The following PWWP3A variants were observed in gnomAD, a reference collection of about 807,000 sequenced individuals.
PWWP3A encodes the protein PWWP domain-containing DNA repair factor 3A.
A neutral mutation model predicts 79.0 loss-of-function variants in PWWP3A; 53 were observed. The observed-to-expected ratio is 0.67, with a 90% CI of 0.54 to 0.84. PWWP3A has a LOEUF of 0.84. PWWP3A is among the 40% of genes least tolerant of loss of function. The pLI is 0.00. For synonymous variants in PWWP3A, 443 were observed against 394.4 expected, an observed-to-expected ratio of 1.12 and a Z score of -1.46; for missense variants, 973 against 948.0, an observed-to-expected ratio of 1.03 and a Z score of -0.35.
chr19:1,376,031 G>C (rs1036684486), intron 13 of PWWP3A, among the ~76,000 whole-genome samples: 2 of 150,166 alleles, frequency 1.3e-5, no homozygotes, highest in Admixed American at 6.6e-5. Flanking sequence ...GGCTGGTCTT[G>C]AACTCCTGAT....
At chr19:1,356,607 C>G (rs773272966) in intron 2 of PWWP3A, among the ~76,000 whole-genome samples, 158 bp downstream of exon 2, 21 of 149,988 alleles carry the variant, frequency 1.4e-4, no homozygotes, top group Admixed American at 1.3e-3. Flanking sequence ...GGGTTTTGGT[C>G]TAGTGCTTCC....
chr19:1,365,822 T>C (rs937794825), intron 7 of PWWP3A, among the ~76,000 whole-genome samples: 3 of 152,380 alleles, frequency 2.0e-5, no homozygotes, highest in East Asian at 3.9e-4. Context: ...GAGGCGCTGG[T>C]CGCCACTGCT....
At chr19:1,364,832 T>G (rs923636693) in intron 7 of PWWP3A, among the ~76,000 whole-genome samples, 1 of 152,118 alleles carries the variant, frequency 6.6e-6, no homozygotes, top group African/African-American at 2.4e-5. Context: ...GAAAAAAATA[T>G]TTGCGGCCGG....
chr19:1,358,363 G>A lies in PWWP3A; in HGVS notation c.144-31G>A, dbSNP rs775693105. 1.1e-5 allele frequency: 18 copies of A among 1,588,086 alleles called. No homozygotes were observed. The East Asian group carries it at 4.0e-4, about 36-fold the overall frequency. On this transcript the variant is annotated intron_variant, in intron 3 of 13. Transcript: ENST00000591337. ...GAAAATGTCTTGGCGGCGTTGGCTGGTGGTGTGTAACGTCGATTTTGTCTC... is the reference window on the plus strand; with the variant it reads ...GAAAATGTCTTGGCGGCGTTGGCTGATGGTGTGTAACGTCGATTTTGTCTC...
chr19:1,373,324 G>A lies in PWWP3A; in HGVS notation c.2075+164G>A, dbSNP rs181184279. On this transcript the variant is annotated intron_variant, in intron 13 of 13. Transcript: ENST00000591337. Reference sequence around the variant, plus strand: ...TGATCACATACGCTGAACTCACCCTGTGGGTCACTCCTGCCCCCCAGGAAG... The same window carrying A: ...TGATCACATACGCTGAACTCACCCTATGGGTCACTCCTGCCCCCCAGGAAG... The A allele has an allele frequency of 3.0e-5, 19 of 639,936 alleles. No homozygotes were observed. In the African/African-American group the frequency reaches 3.1e-4, roughly 10 times the overall value. 39.6% of individuals were successfully genotyped at this position (639,936 alleles called of 1,614,324 possible).
At chr19:1,371,433 C>A in intron 12 of PWWP3A, 1 of 701,846 alleles carries the variant, frequency 1.4e-6, no homozygotes, top group South Asian at 1.5e-5. Flanking sequence ...ATTCCCAAGT[C>A]AGAATCGCAT....
chr19:1,376,718 T>C lies in PWWP3A; in HGVS notation c.*142T>C. 1.5e-6 allele frequency: 1 copy of C among 662,548 alleles called. No individual in the cohort carries two copies. The highest frequency in any genetic ancestry group is 2.6e-6 in the Non-Finnish European group (1 of 383,902). 41.0% of individuals were successfully genotyped at this position (662,548 alleles called of 1,614,324 possible). ...CGTTCTCCTGCGTGGCAGTCCTGAT[T>C]TCCATGCTTCTGGAGAATCCATTTC... On this transcript the variant is annotated 3_prime_UTR_variant, in exon 14 of 14. Coordinates refer to ENST00000591337, the MANE Select transcript of PWWP3A (RefSeq NM_001369789.1).
intron 13 of PWWP3A, chr19:1,373,582 C>T (rs533814370): frequency 5.6e-6 from 1 of 179,500 alleles, no homozygotes; most frequent in African/African-American, 2.4e-5. Flanking sequence ...ATGTTTCTCT[C>T]ACATCCGTGT....
rs551355330 is a variant in PWWP3A at position 1,376,660 on chromosome 19, C to T, written c.*84C>T. On this transcript the variant is annotated 3_prime_UTR_variant, in exon 14 of 14. Coordinates refer to ENST00000591337, the MANE Select transcript of PWWP3A (RefSeq NM_001369789.1). ...TGAGCGTGTCTGAAGATGGGGGGCT[C>T]AGGGGGCACGTTTGCGTTTGGACCT... 2.5e-5 allele frequency: 35 copies of T among 1,394,276 alleles called. No homozygotes were observed. Among genetic ancestry groups the T allele is most frequent in the African/African-American group, 4.3e-5 (3 of 69,936 alleles). 86.4% of individuals were successfully genotyped at this position (1,394,276 alleles called of 1,614,324 possible).
In PWWP3A at chr19:1,360,908, G is replaced by GGGGCCA. The variant is rs1568933513; in HGVS notation, c.993_998dup (p.Gly332_Pro333dup). ...CAGGGGCCGCACCATCCCCCGGGCC[G>GGGGCCA]GGGCCAGGGCCCAGAGAGTCTGTGA... On this transcript the variant is annotated inframe_insertion, in exon 5 of 14. Transcript: ENST00000591337. This position sits in a 1 kb window ranked among gnomAD's most constrained non-coding sequence, Gnocchi z 4.4. 2 of 1,539,538 alleles carry GGGGCCA rather than the reference G, an allele frequency of 1.3e-6. No homozygotes were observed. The highest frequency in any genetic ancestry group is 2.4e-5 in the East Asian group (1 of 40,844).
rs1349915886 is a variant in PWWP3A, at chr19:1,370,716, G to A, written c.1624G>A (p.Glu542Lys). 16 of 1,464,754 alleles carry A rather than the reference G, an allele frequency of 1.1e-5. No individual in the cohort carries two copies. In the South Asian group the frequency reaches 1.6e-4, roughly 14 times the overall value. 90.7% of individuals were successfully genotyped at this position (1,464,754 alleles called of 1,614,324 possible). ...KLPQLSKGSPEEPVVGCPLGQ... is the reference protein window; with the variant it reads ...KLPQLSKGSPKEPVVGCPLGQ... ...TCCTCAACTGAGCAAGGGGAGCCCCGAGGAGCCCGTGGTGGGGTGCCCCCT... is the reference window on the plus strand; with the variant it reads ...TCCTCAACTGAGCAAGGGGAGCCCCAAGGAGCCCGTGGTGGGGTGCCCCCT... The change falls in exon 12 of 14, where the codon GAG becomes AAG. Residue 542 changes from glutamate (E) to lysine (K), a missense_variant. Glu to Lys is a moderately conservative substitution (Grantham distance 56). Coordinates refer to ENST00000591337, the MANE Select transcript of PWWP3A (RefSeq NM_001369789.1).
At chr19:1,356,217 C>G in intron 1 of PWWP3A, 107 bp from the exon 2 acceptor site, 1 of 538,102 alleles carries the variant, frequency 1.9e-6, no homozygotes. Context: ...TGGAATTAAA[C>G]CATCTACTTG....
intron 12 of PWWP3A, chr19:1,372,564 C>T (rs1353654423): frequency 6.6e-6 from 1 of 152,276 alleles, no homozygotes; most frequent in Non-Finnish European, 1.5e-5. Flanking sequence ...TGAGACCAGC[C>T]TGGCCAACAT....
chr19:1,364,603 C>T (rs1376561818), intron 7 of PWWP3A, 24 bp downstream of exon 7: 2 of 1,530,736 alleles, frequency 1.3e-6, no homozygotes, highest in Admixed American at 2.1e-5. Context: ...CCTCCGTCTT[C>T]TCAGATGTAG....
chr19:1,375,708 AAT>A (rs894473684), intron 13 of PWWP3A, among the ~76,000 whole-genome samples: 5 of 141,476 alleles, frequency 3.5e-5, no homozygotes, highest in South Asian at 2.1e-4. Context: ...TTTAATATAT[AAT>A]ATATATAAAG....
At chr19:1,357,770 G>C (rs2081913130) in intron 3 of PWWP3A, 1 of 152,214 alleles carries the variant, frequency 6.6e-6, no homozygotes, top group Non-Finnish European at 1.5e-5. Context: ...GGTCAGTCCT[G>C]CGTGATTGGC....
intron 2 of PWWP3A, among the ~76,000 whole-genome samples, chr19:1,356,754 T>A (rs2081880465): frequency 6.6e-6 from 1 of 152,118 alleles, no homozygotes; most frequent in African/African-American, 2.4e-5. Context: ...ATGGTCGTGT[T>A]CAGGGAATGC....
In PWWP3A at chr19:1,377,200, T is replaced by G. The variant is rs374675548; in HGVS notation, c.*624T>G. 20 of 152,760 alleles carry G rather than the reference T, an allele frequency of 1.3e-4. No homozygotes were observed. Among genetic ancestry groups the G allele is most frequent in the African/African-American group, 4.6e-4 (19 of 41,562 alleles). The allele number at this position is 152,760 out of a possible 1,614,324, so 9.5% of individuals were successfully genotyped here. ...GGACACGCACCTTTCCAGGGGCCTC[T>G]GTGTCCCGCACTGTGTGTGAGTGGA... is the stretch of plus-strand genomic sequence containing the variant. On this transcript the variant is annotated 3_prime_UTR_variant, in exon 14 of 14. Coordinates refer to ENST00000591337, the MANE Select transcript of PWWP3A (RefSeq NM_001369789.1).
intron 1 of PWWP3A, 21 bp downstream of exon 1, chr19:1,355,156 C>T (rs1410171761): frequency 1.3e-5 from 2 of 152,302 alleles, no homozygotes; most frequent in Non-Finnish European, 2.9e-5. Flanking sequence ...GGGATGCGTC[C>T]CCTCGGTTCC....
Sources: allele counts gnomAD v4.1 joint callset (sites outside exome capture counted in the v4.1 genomes callset), GRCh38; gene constraint gnomAD v4.1.1; non-coding constraint Gnocchi (gnomAD v3.1); transcripts MANE v1.5; gene names NCBI Gene and HGNC (gene_info 2026-07-23, HGNC 2026-07-21).